The following DAAM2 variants were observed in gnomAD, a reference collection of about 807,000 sequenced individuals.
The protein encoded by DAAM2 is dishevelled associated activator of morphogenesis 2.
In DAAM2, 39 loss-of-function variants were observed where a neutral mutation model predicts 120.7. The observed-to-expected ratio is 0.32, with a 90% CI of 0.25 to 0.42. The LOEUF (loss-of-function observed/expected upper bound fraction) is 0.42. Ranked by LOEUF, DAAM2 falls within the 10% of genes least tolerant of loss-of-function variation. The pLI is 1.00. For missense variants in DAAM2, 1,283 were observed against 1,401.7 expected (o/e 0.92, Z 1.35); for synonymous variants, 488 against 524.9 (o/e 0.93, Z 0.96).
rs1425495446 is a variant in DAAM2, at chr6:39,873,226, C to T, written c.1045-12C>T. 1 of 1,581,572 alleles carries T rather than the reference C, an allele frequency of 6.3e-7. No individual in the cohort carries two copies. Among genetic ancestry groups the T allele is most frequent in the Non-Finnish European group, 8.7e-7 (1 of 1,154,402 alleles). On this transcript the variant is annotated splice_polypyrimidine_tract_variant and intron_variant, in intron 9 of 24. Transcript: ENST00000274867. ...GCCTACCCACTGATCACTGTGCCCT[C>T]TTCTCTCCCAGGTCCACATCGACAC...
chr6:39,818,763 C>A (rs1451832128), intron 1 of DAAM2: 3 of 152,188 alleles, frequency 2.0e-5, no homozygotes, highest in African/African-American at 7.2e-5. Flanking sequence ...AGTATAAATT[C>A]TTTAGGTTCC....
chr6:39,890,686 C>A (rs189999438), intron 17 of DAAM2, among the ~76,000 whole-genome samples: 39 of 152,256 alleles, frequency 2.6e-4, no homozygotes, highest in African/African-American at 9.4e-4. Context: ...GGAGATTTGA[C>A]AAAAATCACT....
At position 39,901,423 on chromosome 6, in the gene DAAM2, T is replaced by TGAGGAGGAGG. The variant is rs1766472958; in HGVS notation, c.2934_2943dup (p.Lys982GlufsTer24). On this transcript the variant is annotated frameshift_variant, in exon 24 of 25. Transcript: ENST00000274867. LOFTEE classifies it high-confidence loss of function. This position sits in a 1 kb window ranked among gnomAD's most constrained non-coding sequence, Gnocchi z 4.5. ...GAGGCCCGGCAGGATCTAGAGGCCA[T>TGAGGAGGAGG]GAGGAGGAGGAAGGAGGAGGAGGAG... 3 of 1,612,592 alleles carry TGAGGAGGAGG rather than the reference T, an allele frequency of 1.9e-6. No homozygotes were observed. The highest frequency in any genetic ancestry group is 3.3e-5 in the Admixed American group (2 of 59,932).
intron 1 of DAAM2, among the ~76,000 whole-genome samples, chr6:39,846,195 A>G (rs1329933586): frequency 6.6e-6 from 1 of 152,114 alleles, no homozygotes. Flanking sequence ...GTGTCTGATG[A>G]GTTTACCTGC....
chr6:39,883,665 G>C (rs3003928), intron 14 of DAAM2: 197,062 of 304,316 alleles, frequency 0.65, 65,889 homozygotes, highest in African/African-American at 0.81. Flanking sequence ...AAGTGAAGTG[G>C]ACCCCCTTTC....
At chr6:39,859,074 G>A (rs1445139495) in intron 2 of DAAM2, among the ~76,000 whole-genome samples, 1 of 152,144 alleles carries the variant, frequency 6.6e-6, no homozygotes, top group Non-Finnish European at 1.5e-5. Context: ...GAAAAGACAA[G>A]TGCATCAATA....
intron 21 of DAAM2, among the ~76,000 whole-genome samples, chr6:39,898,436 T>C (rs1231033376): frequency 1.3e-5 from 2 of 152,180 alleles, no homozygotes. Context: ...AGGCAAGATA[T>C]CAGACACGAA....
rs563788563 is a variant in DAAM2 at position 39,797,392 on chromosome 6, CATATG to C, written c.-57+4929_-57+4933del. On this transcript the variant is annotated intron_variant, in intron 1 of 24. Coordinates refer to ENST00000274867, the MANE Select transcript of DAAM2 (RefSeq NM_001201427.2). Reference sequence around the variant, plus strand: ...GTCTCATTTAAACATCGTTGACAATCATATGAGATTGATATTAACCACATTTCACA... The same window carrying C: ...GTCTCATTTAAACATCGTTGACAATCAGATTGATATTAACCACATTTCACA... 2.9e-3 allele frequency among the ~76,000 whole-genome samples: 435 copies of C among 152,300 alleles called. 3 individuals carry two copies. Among genetic ancestry groups the C allele is most frequent in the African/African-American group, 9.6e-3 (399 of 41,558 alleles).
At position 39,878,527 on chromosome 6, in the gene DAAM2, A is replaced by C; in HGVS notation, c.1484A>C (p.Gln495Pro). Residue 495 changes from glutamine (Q) to proline (P), a missense_variant, in exon 13 of 25, where the codon CAG becomes CCG. By Grantham distance (76) the Gln-to-Pro change is moderately conservative (BLOSUM62 -1). Around this residue, in one of 3 missense-constraint regions of DAAM2, gnomAD observed 748 missense variants for 768.6 expected, o/e 0.97. Coordinates refer to ENST00000274867, the MANE Select transcript of DAAM2 (RefSeq NM_001201427.2). The surrounding 1 kb of genome is among the most constrained non-coding windows in gnomAD (Gnocchi z 5.0). ...AAGGACAAGCTGGCCCGGGAGTCCC[A>C]GGAGCTGCGCCAGGCTCGGGGACAA... ...KMKDKLARES[Q>P]ELRQARGQVA... The C allele has an allele frequency of 1.9e-6, 3 of 1,610,442 alleles. No individual in the cohort carries two copies. The highest frequency in any genetic ancestry group is 2.5e-6 in the Non-Finnish European group (3 of 1,178,450).
chr6:39,808,566 A>G (rs764933419), intron 1 of DAAM2, among the ~76,000 whole-genome samples: 12 of 152,234 alleles, frequency 7.9e-5, no homozygotes, highest in Admixed American at 6.5e-5. Context: ...TTACTTGACA[A>G]TGAAGCCATG....
intron 1 of DAAM2, among the ~76,000 whole-genome samples, chr6:39,841,845 C>T (rs755974288): frequency 6.6e-6 from 1 of 152,132 alleles, no homozygotes; most frequent in African/African-American, 2.4e-5. Flanking sequence ...GTCCTGGAGC[C>T]AGAGTCTCGT....
intron 14 of DAAM2, among the ~76,000 whole-genome samples, chr6:39,880,478 C>T (rs1275410101): frequency 6.6e-6 from 1 of 152,126 alleles, no homozygotes; most frequent in African/African-American, 2.4e-5. Flanking sequence ...GTGCTGGGGG[C>T]TATGATGGAT....
chr6:39,883,898 C>A, intron 14 of DAAM2, 64 bp from the exon 15 acceptor site: 1 of 1,036,188 alleles, frequency 9.7e-7, no homozygotes, highest in African/African-American at 1.6e-5. Flanking sequence ...GTTAGGGAGG[C>A]ATGGAGCATC....
chr6:39,844,020 G>T (rs775082008), intron 1 of DAAM2, among the ~76,000 whole-genome samples: 5 of 152,094 alleles, frequency 3.3e-5, no homozygotes, highest in Admixed American at 1.3e-4. Context: ...GCAAGTTACT[G>T]ATTTTCTCTG....
intron 6 of DAAM2, chr6:39,868,539 C>T (rs942813279): frequency 3.4e-5 from 14 of 406,402 alleles, no homozygotes; most frequent in East Asian, 1.3e-4. Context: ...AGCTGGAGCA[C>T]GATGATAAAG....
At chr6:39,861,280 C>CAA in intron 3 of DAAM2, 1 of 511,830 alleles carries the variant, frequency 2.0e-6, no homozygotes, top group Non-Finnish European at 3.7e-6. Flanking sequence ...GGGAGACAGA[C>CAA]AAAGAAGCAG....
chr6:39,873,847 G>A (rs998590891), intron 10 of DAAM2, among the ~76,000 whole-genome samples: 12 of 152,204 alleles, frequency 7.9e-5, no homozygotes, highest in African/African-American at 2.9e-4. Context: ...CAGCATCTAT[G>A]GGAGCAGATG....
intron 1 of DAAM2, among the ~76,000 whole-genome samples, chr6:39,837,020 C>T (rs1249491439): frequency 2.0e-5 from 3 of 152,202 alleles, no homozygotes; most frequent in African/African-American, 7.2e-5. Context: ...CCCACTCCCT[C>T]CCTTCCCAGA....
At chr6:39,885,636 CCT>C (rs1187255301) in intron 15 of DAAM2, 1 of 152,322 alleles carries the variant, frequency 6.6e-6, no homozygotes, top group African/African-American at 2.4e-5. Flanking sequence ...GTCCCCCTCA[CCT>C]CTCTGAGCCC....
Sources: allele counts gnomAD v4.1 joint callset (sites outside exome capture counted in the v4.1 genomes callset), GRCh38; gene constraint gnomAD v4.1.1; regional missense constraint gnomAD v4.1.1; non-coding constraint Gnocchi (gnomAD v3.1); transcripts MANE v1.5; gene names NCBI Gene and HGNC (gene_info 2026-07-23, HGNC 2026-07-21).